BCAR1: variants seen among roughly 807,000 people sequenced by gnomAD.
BCAR1 encodes breast cancer anti-estrogen resistance protein 1.
In BCAR1, 30 loss-of-function variants were observed where a neutral mutation model predicts 67.6. The ratio of observed to expected loss-of-function variants is 0.44; its 90% confidence interval spans 0.33 to 0.60. BCAR1 has a LOEUF of 0.60. Ranked by LOEUF, BCAR1 falls within the 20% of genes least tolerant of loss-of-function variation. The probability of loss-of-function intolerance (pLI) is 0.02; values close to 1 mark genes in which losing one functional copy is unlikely to be tolerated. For synonymous variants in BCAR1, 626 were observed against 556.7 expected (o/e 1.12, Z -1.75); for missense variants, 1,313 against 1,222.3 (o/e 1.07, Z -1.11).
intron 1 of BCAR1, among the ~76,000 whole-genome samples, chr16:75,261,701 C>A (rs1159026520): frequency 1.3e-5 from 2 of 152,322 alleles, no homozygotes; most frequent in African/African-American, 4.8e-5. Context: ...GCAGGCCATG[C>A]CCGGGCAGGG....
chr16:75,265,753 G>C, intron 1 of BCAR1: 1 of 1,192,814 alleles, frequency 8.4e-7, no homozygotes. Flanking sequence ...CATCAGGCCC[G>C]CAGCGGGCGG....
chr16:75,242,367 C>A, intron 2 of BCAR1, 103 bp downstream of exon 2: 2 of 1,317,740 alleles, frequency 1.5e-6, no homozygotes, highest in Middle Eastern at 2.7e-4. Flanking sequence ...CACAGCCACT[C>A]CTGGAATGCC....
At chr16:75,236,825 C>T (rs377640098) in intron 4 of BCAR1, 57 bp downstream of exon 4, 109 of 1,585,104 alleles carry the variant, frequency 6.9e-5, no homozygotes, top group Middle Eastern at 1.7e-4. Context: ...CCTGTGCACA[C>T]ACCCAGACAC....
Position 75,229,874 on chromosome 16 carries a change from C to T in BCAR1, c.2250G>A (p.Gln750=). 1.9e-6 allele frequency: 3 copies of T among 1,613,200 alleles called. No homozygotes were observed. The highest frequency in any genetic ancestry group is 2.5e-6 in the Non-Finnish European group (3 of 1,179,934). ...DRQLLLFYLE[Q]CEANLTTLTN... ...TCAGTGTGGTCAGGTTGGCCTCACA[C>T]TGCTCCAGGTAGAAGAGCAGCAGCT... Residue 750 remains glutamine, a synonymous_variant, in exon 7 of 7, where the codon CAG becomes CAA. Coordinates refer to ENST00000162330, the MANE Select transcript of BCAR1 (RefSeq NM_014567.5).
rs112392504 is a variant in BCAR1 at position 75,234,096 on chromosome 16, GACACAC to G, written c.2011-167_2011-162del. ...ACGCACACACACACTAGCACACGTG[GACACAC>G]ACACACACACAAGCACACGTGAACA... On this transcript the variant is annotated intron_variant, in intron 5 of 6. Coordinates refer to ENST00000162330, the MANE Select transcript of BCAR1 (RefSeq NM_014567.5). Among the ~76,000 whole-genome samples, 605 of 148,494 alleles carry G rather than the reference GACACAC, an allele frequency of 4.1e-3. 8 individuals are homozygous for G. The highest frequency in any genetic ancestry group is 0.01 in the African/African-American group (423 of 40,358).
At chr16:75,250,759 CCTT>C (rs2077655805) in intron 1 of BCAR1, 7 of 985,460 alleles carry the variant, frequency 7.1e-6, no homozygotes, top group Non-Finnish European at 8.4e-6. Flanking sequence ...GACTCCAAAG[CCTT>C]CATGTCCACA....
Position 75,251,580 on chromosome 16 carries a change from C to G in BCAR1, c.-98G>C, listed in dbSNP as rs1421299991. 7 of 1,061,794 alleles carry G rather than the reference C, an allele frequency of 6.6e-6. No homozygotes were observed. In the South Asian group the frequency reaches 1.8e-4, roughly 27 times the overall value. The allele number at this position is 1,061,794 out of a possible 1,614,324, so 65.8% of individuals were successfully genotyped here. A position where few individuals can be genotyped will look rare whatever the true frequency, so the allele number is the denominator to read the frequency against. ...GGCTCCGAGCGCGCCGCAGCCGCCC[C>G]GGTGCCGCCGCGCAGCTGCCGCCTC... On this transcript the variant is annotated 5_prime_UTR_variant, in exon 1 of 7. Transcript: ENST00000162330.
At chr16:75,265,764 G>C in intron 1 of BCAR1, 1 of 1,195,384 alleles carries the variant, frequency 8.4e-7, no homozygotes, top group Non-Finnish European at 1.0e-6. Flanking sequence ...CAGCGGGCGG[G>C]GCGAGGTCGC....
At chr16:75,242,242 C>T (rs559129067) in intron 2 of BCAR1, among the ~76,000 whole-genome samples, 103 of 152,344 alleles carry the variant, frequency 6.8e-4, no homozygotes, top group African/African-American at 2.2e-3. Flanking sequence ...CCACTCGGGT[C>T]GGCTTGGCTG....
intron 1 of BCAR1, among the ~76,000 whole-genome samples, chr16:75,244,719 G>A (rs1251310276): frequency 6.6e-6 from 1 of 152,232 alleles, no homozygotes; most frequent in Non-Finnish European, 1.5e-5. Flanking sequence ...CAAGGGAGGG[G>A]CCAGGGGGCA....
intron 1 of BCAR1, among the ~76,000 whole-genome samples, chr16:75,258,959 G>A (rs1157932611): frequency 1.3e-5 from 2 of 152,072 alleles, no homozygotes; most frequent in East Asian, 3.8e-4. Context: ...GCGTGGCCTG[G>A]GAAGGAGGAG....
intron 1 of BCAR1, among the ~76,000 whole-genome samples, chr16:75,257,749 G>A (rs1462086407): frequency 6.6e-6 from 1 of 152,210 alleles, no homozygotes; most frequent in Admixed American, 6.5e-5. Context: ...AAGCCACTGT[G>A]CCTGGTGGAA....
chr16:75,236,751 C>T (rs1597193289), intron 4 of BCAR1, 131 bp downstream of exon 4: 3 of 1,393,584 alleles, frequency 2.2e-6, no homozygotes, highest in Non-Finnish European at 2.8e-6. Flanking sequence ...CCATCCAGAA[C>T]CAGGGTCTGG....
intron 6 of BCAR1, among the ~76,000 whole-genome samples, chr16:75,231,299 G>T (rs1432538806): frequency 2.0e-5 from 3 of 152,014 alleles, no homozygotes; most frequent in Admixed American, 2.0e-4. Flanking sequence ...TGGCCAAGCT[G>T]GTCTCAAACT....
rs1256542306 is a variant in BCAR1, at chr16:75,243,098, G to A, written c.13-8C>T. 1 of 1,576,404 alleles carries A rather than the reference G, an allele frequency of 6.3e-7. No individual in the cohort carries two copies. The highest frequency in any genetic ancestry group is 8.6e-7 in the Non-Finnish European group (1 of 1,157,370). ...CGCTTTGGCCAGCACGTTCTGGGGA[G>A]AGAGGACACAGGTGTGAGAACAGAA... On this transcript the variant is annotated splice_polypyrimidine_tract_variant and splice_region_variant and intron_variant, in intron 1 of 6. Transcript: ENST00000162330.
chr16:75,238,518 G>C (rs1350714663), intron 2 of BCAR1: 2 of 994,332 alleles, frequency 2.0e-6, no homozygotes. Context: ...TGCTTGCTGA[G>C]GGTGCTGTGA....
chr16:75,251,034 C>T, intron 1 of BCAR1: 2 of 960,282 alleles, frequency 2.1e-6, no homozygotes, highest in Non-Finnish European at 2.5e-6. Flanking sequence ...GGAGCTCCTC[C>T]CTCTCCGGGA....
At chr16:75,231,319 A>G (rs2076892696) in intron 6 of BCAR1, among the ~76,000 whole-genome samples, 1 of 152,124 alleles carries the variant, frequency 6.6e-6, no homozygotes. Flanking sequence ...TCCTGACCTC[A>G]GATGATCCTC....
upstream of BCAR1, among the ~76,000 whole-genome samples, chr16:75,253,672 A>T (rs2077722242): frequency 6.6e-6 from 1 of 152,234 alleles, no homozygotes; most frequent in African/African-American, 2.4e-5. Context: ...TGTGCCTCCC[A>T]GAATGGCATT....
Sources: gnomAD v4.1 joint callset for allele counts (sites outside exome capture counted in the v4.1 genomes callset) on GRCh38, gnomAD v4.1.1 for gene constraint, MANE v1.5 for transcripts, NCBI Gene and HGNC (gene_info 2026-07-23, HGNC 2026-07-21) for gene names.